Variants in TSNAX observed in about 807,000 individuals in gnomAD.
TSNAX encodes the protein translin-associated protein X.
Under a neutral mutation model 33.0 loss-of-function variants are expected in TSNAX, and 12 were observed. The ratio of observed to expected loss-of-function variants is 0.36; its 90% confidence interval spans 0.23 to 0.59. The LOEUF (loss-of-function observed/expected upper bound fraction) is 0.59, where lower values mean the gene tolerates loss of function less well. Among genes scored for constraint, TSNAX ranks in the 20% least tolerant of loss-of-function variants. TSNAX has a pLI of 0.74. For missense variants in TSNAX, 267 were observed against 341.3 expected, an observed-to-expected ratio of 0.78 and a Z score of 1.72; for synonymous variants, 110 against 117.2, an observed-to-expected ratio of 0.94 and a Z score of 0.40.
intron 2 of TSNAX, among the ~76,000 whole-genome samples, chr1:231,531,259 G>C (rs1291305386): frequency 6.6e-6 from 1 of 152,098 alleles, no homozygotes; most frequent in African/African-American, 2.4e-5. Flanking sequence ...CGCCTGGCCT[G>C]AACTACAATT....
chr1:231,530,958 T>TG (rs1222918893), intron 2 of TSNAX, among the ~76,000 whole-genome samples: 2 of 141,678 alleles, frequency 1.4e-5, no homozygotes, highest in African/African-American at 5.4e-5. Context: ...TACAGTTTTT[T>TG]GGTTTTTTTT....
chr1:231,532,711 T>A (rs1412450307), intron 2 of TSNAX, among the ~76,000 whole-genome samples: 1 of 152,232 alleles, frequency 6.6e-6, no homozygotes, highest in Non-Finnish European at 1.5e-5. Flanking sequence ...AGTTCATTTT[T>A]TACAACTTGT....
At chr1:231,559,637 G>A (rs1245997855) in intron 4 of TSNAX, among the ~76,000 whole-genome samples, 1 of 151,966 alleles carries the variant, frequency 6.6e-6, no homozygotes, top group African/African-American at 2.4e-5. Flanking sequence ...CCAGAAAGTA[G>A]TTGTTTTAAA....
At chr1:231,542,751 T>G (rs201150639) in intron 4 of TSNAX, 140 bp downstream of exon 4, 113 of 1,030,918 alleles carry the variant, frequency 1.1e-4, no homozygotes, top group Non-Finnish European at 1.5e-4. Flanking sequence ...TGTAGTAATA[T>G]AGAAGTAATC....
intron 4 of TSNAX, among the ~76,000 whole-genome samples, chr1:231,556,125 G>GA (rs1660679761): frequency 1.3e-5 from 2 of 152,124 alleles, no homozygotes; most frequent in South Asian, 4.1e-4. Flanking sequence ...GTCCATGGAA[G>GA]AAAAAAGTTT....
intron 4 of TSNAX, among the ~76,000 whole-genome samples, chr1:231,555,807 G>A (rs115866167): frequency 0.053 from 8,101 of 152,154 alleles, 308 homozygotes; most frequent in Non-Finnish European, 0.077. Flanking sequence ...GTTTTCCTAG[G>A]TCCTCTGTGA....
intron 2 of TSNAX, among the ~76,000 whole-genome samples, chr1:231,529,705 AGACTT>A (rs373751167): frequency 3.3e-5 from 5 of 152,234 alleles, no homozygotes; most frequent in African/African-American, 1.2e-4. Context: ...TTCCTCTACT[AGACTT>A]GAAGACAGGG....
At chr1:231,537,750 A>G (rs1431678775) in intron 3 of TSNAX, among the ~76,000 whole-genome samples, 1 of 151,816 alleles carries the variant, frequency 6.6e-6, no homozygotes, top group Non-Finnish European at 1.5e-5. Context: ...CAAAAAAAAA[A>G]AAAAAAAAGG....
chr1:231,537,304 T>G lies in TSNAX; in HGVS notation c.213T>G (p.Ile71Met), dbSNP rs757936141. 1 of 1,612,660 alleles carries G rather than the reference T, an allele frequency of 6.2e-7. No homozygotes were observed. Among genetic ancestry groups the G allele is most frequent in the East Asian group, 2.2e-5 (1 of 44,820 alleles). The change falls in exon 3 of 6, where the codon ATT (isoleucine) becomes ATG (methionine). Residue 71 changes from isoleucine to methionine, a missense_variant. This residue lies in a region of TSNAX where 200 missense variants were observed against 214.1 expected (regional missense o/e 0.93). Coordinates refer to ENST00000366639, the MANE Select transcript of TSNAX (RefSeq NM_005999.3). The stretch of plus-strand genomic sequence containing the variant: ...TAACTGTTGAAAGTAAAAGGACAAT[T>G]TTTCTCCTCCATAGGATTACAAGGT... ...RDITVESKRT[I>M]FLLHRITSAP...
intron 4 of TSNAX, 164 bp downstream of exon 4, chr1:231,542,775 G>C: frequency 1.3e-6 from 1 of 775,314 alleles, no homozygotes; most frequent in Non-Finnish European, 2.0e-6. Flanking sequence ...AGGCAAGTTG[G>C]CTTTATGTTT....
At chr1:231,548,598 GAAT>G (rs1344263645) in intron 4 of TSNAX, among the ~76,000 whole-genome samples, 1 of 152,210 alleles carries the variant, frequency 6.6e-6, no homozygotes, top group Non-Finnish European at 1.5e-5. Flanking sequence ...AGCAGAAAGG[GAAT>G]AGTCTAGGGA....
chr1:231,532,039 T>C (rs923915385), intron 2 of TSNAX, among the ~76,000 whole-genome samples: 1 of 149,418 alleles, frequency 6.7e-6, no homozygotes, highest in African/African-American at 2.5e-5. Flanking sequence ...GCCACTGCAC[T>C]CCAGGCTGGG....
intron 2 of TSNAX, among the ~76,000 whole-genome samples, chr1:231,532,179 CACACACAG>C (rs1277053021): frequency 2.8e-4 from 27 of 96,122 alleles, no homozygotes; most frequent in African/African-American, 5.0e-4. Context: ...CACACACACA[CACACACAG>C]TTTTGGTTTT....
chr1:231,550,510 A>G (rs1660228631), intron 4 of TSNAX, among the ~76,000 whole-genome samples: 1 of 152,256 alleles, frequency 6.6e-6, no homozygotes, highest in Non-Finnish European at 1.5e-5. Flanking sequence ...AGGTAGGTTC[A>G]GGAAGCATTG....
At chr1:231,555,109 A>G (rs1383653784) in intron 4 of TSNAX, among the ~76,000 whole-genome samples, 2 of 152,236 alleles carry the variant, frequency 1.3e-5, no homozygotes, top group Admixed American at 1.3e-4. Context: ...ATGAATAGTC[A>G]TGTTTACAGC....
intron 3 of TSNAX, among the ~76,000 whole-genome samples, chr1:231,542,252 G>C (rs1391408811): frequency 6.6e-6 from 1 of 152,040 alleles, no homozygotes; most frequent in Non-Finnish European, 1.5e-5. Context: ...ATATTTTTAT[G>C]AACAAAATTT....
rs148380834 is a variant in TSNAX, at chr1:231,537,313, C to T, written c.222C>T (p.Leu74=). The change falls in exon 3 of 6, where the codon CTC becomes CTT. Residue 74 remains leucine (L), a synonymous_variant. Transcript: ENST00000366639. ...AAAGTAAAAGGACAATTTTTCTCCT[C>T]CATAGGATTACAAGGTGAGTAAGCA... The part of the protein sequence containing the change: ...TVESKRTIFL[L]HRITSAPDME... The T allele has an allele frequency of 1.2e-6, 2 of 1,608,086 alleles. No homozygotes were observed. The highest frequency in any genetic ancestry group is 2.2e-5 in the East Asian group (1 of 44,778).
chr1:231,540,053 C>T (rs531181024), intron 3 of TSNAX, among the ~76,000 whole-genome samples: 1 of 151,522 alleles, frequency 6.6e-6, no homozygotes, highest in South Asian at 2.1e-4. Context: ...GGCTTGGTGG[C>T]ATCCCAGCTA....
intron 3 of TSNAX, among the ~76,000 whole-genome samples, chr1:231,538,558 G>A (rs528748842): frequency 6.6e-6 from 1 of 152,262 alleles, no homozygotes; most frequent in African/African-American, 2.4e-5. Flanking sequence ...CCCAGCTTAC[G>A]TGTTTTAGTC....
Sources: gnomAD v4.1 joint callset for allele counts (sites outside exome capture counted in the v4.1 genomes callset) on GRCh38, gnomAD v4.1.1 for gene constraint, gnomAD v4.1.1 regional missense constraint, MANE v1.5 for transcripts, NCBI Gene and HGNC (gene_info 2026-07-23, HGNC 2026-07-21) for gene names.